Variants in CLNK observed in about 807,000 individuals in gnomAD.
The protein encoded by CLNK is cytokine-dependent hematopoietic cell linker.
CLNK carries 74 observed loss-of-function variants against 68.6 expected under a neutral mutation model. The ratio of observed to expected loss-of-function variants is 1.08; its 90% CI spans 0.89 to 1.31. The LOEUF (loss-of-function observed/expected upper bound fraction) is 1.31. Among genes scored for constraint, CLNK ranks in the 50% most tolerant of loss-of-function variants. The pLI is 0.00. For missense variants in CLNK, 553 were observed against 515.3 expected, an observed-to-expected ratio of 1.07 and a Z score of -0.71; for synonymous variants, 198 against 172.2, an observed-to-expected ratio of 1.15 and a Z score of -1.17.
At chr4:10,533,804 T>G (rs1030043499) in intron 11 of CLNK, among the ~76,000 whole-genome samples, 5 of 152,242 alleles carry the variant, frequency 3.3e-5, no homozygotes, top group Non-Finnish European at 7.3e-5. Context: ...AGATTTGAAG[T>G]TACAAGTGTC....
At chr4:10,670,260 A>T in intron 1 of CLNK, among the ~76,000 whole-genome samples, 1 of 152,246 alleles carries the variant, frequency 6.6e-6, no homozygotes. Flanking sequence ...TATTGATGAC[A>T]ATTTTTGAAT....
intron 1 of CLNK, among the ~76,000 whole-genome samples, chr4:10,674,800 G>T (rs933974151): frequency 4.9e-4 from 75 of 152,204 alleles, no homozygotes; most frequent in African/African-American, 1.7e-3. Flanking sequence ...GCTTTGTAAA[G>T]ATAACGGATT....
the CLNK span, among the ~76,000 whole-genome samples, chr4:10,715,488 T>C: frequency 1.2e-3 from 187 of 152,220 alleles, no homozygotes; most frequent in African/African-American, 4.2e-3. Flanking sequence ...GTGAGACTTA[T>C]TCAAAATAAT....
chr4:10,553,798 T>C (rs1380315866), intron 8 of CLNK, among the ~76,000 whole-genome samples: 2 of 152,196 alleles, frequency 1.3e-5, no homozygotes, highest in Non-Finnish European at 2.9e-5. Context: ...CACAATTAGT[T>C]TCAGATAACT....
chr4:10,688,115 G>A (rs966880621), upstream of CLNK, among the ~76,000 whole-genome samples: 5 of 152,154 alleles, frequency 3.3e-5, no homozygotes, highest in African/African-American at 1.2e-4. Context: ...GCTAGCATGT[G>A]CCTGGCTATA....
intron 3 of CLNK, among the ~76,000 whole-genome samples, chr4:10,592,134 T>A (rs1459464594): frequency 6.6e-6 from 1 of 152,236 alleles, no homozygotes; most frequent in East Asian, 1.9e-4. Context: ...ATCTGGACGA[T>A]GACATATAAT....
In CLNK at chr4:10,537,790, C is replaced by T. The variant is rs116287588; in HGVS notation, c.602+2704G>A. Among the ~76,000 whole-genome samples, 1,061 of 136,224 alleles carry T rather than the reference C, an allele frequency of 7.8e-3. 9 individuals are homozygous for T. The highest frequency in any genetic ancestry group is 0.042 in the Middle Eastern group (11 of 262). 89.4% of individuals were successfully genotyped at this position (136,224 alleles called of 152,430 possible). On this transcript the variant is annotated intron_variant, in intron 11 of 18. Coordinates refer to ENST00000226951, the MANE Select transcript of CLNK (RefSeq NM_052964.4). ...CTCTCTTCCTTCCTTCCTTCCTTCTCTTGTTTGTTCTTTCTTTTCTTTTCT... is the reference window on the plus strand; with the variant it reads ...CTCTCTTCCTTCCTTCCTTCCTTCTTTTGTTTGTTCTTTCTTTTCTTTTCT...
At chr4:10,686,712 A>C (rs1577221620), upstream of CLNK, among the ~76,000 whole-genome samples, 1 of 151,618 alleles carries the variant, frequency 6.6e-6, no homozygotes, top group Non-Finnish European at 1.5e-5. Context: ...CAAGGGGTGA[A>C]TGAAGAAAAG....
At chr4:10,542,652 GTGTA>G (rs1366179385) in intron 8 of CLNK, among the ~76,000 whole-genome samples, 82 of 143,258 alleles carry the variant, frequency 5.7e-4, no homozygotes, top group African/African-American at 1.8e-3. Flanking sequence ...GTGTGTGTGT[GTGTA>G]TGTGTGTGTG....
chr4:10,694,163 G>T, the CLNK span, among the ~76,000 whole-genome samples: 1 of 151,680 alleles, frequency 6.6e-6, no homozygotes, highest in African/African-American at 2.4e-5. Context: ...AGCAGCAGAA[G>T]CACCAATGAC....
intron 11 of CLNK, among the ~76,000 whole-genome samples, 178 bp from the exon 12 acceptor site, chr4:10,532,461 T>A (rs1436681822): frequency 6.6e-6 from 1 of 152,188 alleles, no homozygotes; most frequent in East Asian, 1.9e-4. Context: ...TTCTCATAAT[T>A]TTCTAAGGAA....
At chr4:10,609,833 T>C (rs2531186) in intron 2 of CLNK, among the ~76,000 whole-genome samples, 105,810 of 151,862 alleles carry the variant, frequency 0.7, 37,703 homozygotes, top group East Asian at 0.77. Flanking sequence ...TGCTTGAACC[T>C]GCTAATTTTA....
intron 4 of CLNK, among the ~76,000 whole-genome samples, chr4:10,575,242 T>G (rs1416246061): frequency 6.6e-6 from 1 of 152,190 alleles, no homozygotes; most frequent in African/African-American, 2.4e-5. Flanking sequence ...TTCCTTTACC[T>G]CTTTCTCACC....
In CLNK at chr4:10,486,908, ATC is replaced by A. The variant is rs1716373291; in HGVS notation, c.*3557_*3558del. On this transcript the variant is annotated 3_prime_UTR_variant, in exon 19 of 19. Transcript: ENST00000226951. ...TTGTTTGTATATTTATTTGTCATCT[ATC>A]TCTCTTATTCACTGCTCTATTTTCA... is the stretch of plus-strand genomic sequence containing the variant. 1.3e-5 allele frequency: 2 copies of A among 152,216 alleles called. No individual in the cohort carries two copies. The highest frequency in any genetic ancestry group is 4.8e-5 in the African/African-American group (2 of 41,464). The allele number at this position is 152,216 out of a possible 1,614,324, so 9.4% of individuals were successfully genotyped here.
chr4:10,610,211 T>A (rs1205132647), intron 2 of CLNK, among the ~76,000 whole-genome samples: 5 of 150,454 alleles, frequency 3.3e-5, no homozygotes, highest in Non-Finnish European at 5.9e-5. Flanking sequence ...CGCCCGCCAC[T>A]GCGCCCGGCT....
chr4:10,514,280 C>T (rs1035781104), intron 15 of CLNK, among the ~76,000 whole-genome samples: 16 of 150,044 alleles, frequency 1.1e-4, no homozygotes, highest in African/African-American at 3.9e-4. Flanking sequence ...TGGGTTGGTT[C>T]CAAGTCTTTG....
intron 2 of CLNK, among the ~76,000 whole-genome samples, chr4:10,635,457 G>A (rs565999321): frequency 3.3e-5 from 5 of 152,240 alleles, no homozygotes; most frequent in South Asian, 4.2e-4. Context: ...GAGAGAGGAG[G>A]CCTTTTCTCT....
intron 2 of CLNK, 138 bp from the exon 3 acceptor site, chr4:10,598,187 C>G: frequency 3.2e-6 from 2 of 629,894 alleles, no homozygotes; most frequent in Non-Finnish European, 5.5e-6. Context: ...CTGAATCTCT[C>G]TTTGCATTAC....
chr4:10,731,525 T>G, the CLNK span, among the ~76,000 whole-genome samples: 8 of 152,220 alleles, frequency 5.3e-5, no homozygotes, highest in Non-Finnish European at 2.9e-5. Flanking sequence ...GAAAGACAGA[T>G]TCTTCCTAAG....
Sources: allele counts gnomAD v4.1 joint callset (sites outside exome capture counted in the v4.1 genomes callset), GRCh38; gene constraint gnomAD v4.1.1; transcripts MANE v1.5; gene names NCBI Gene and HGNC (gene_info 2026-07-23, HGNC 2026-07-21).